Variants in PKN2 observed in about 807,000 individuals in gnomAD.
PKN2 encodes protein kinase N2.
A neutral mutation model predicts 119.1 loss-of-function variants in PKN2; 38 were observed. That is an observed-to-expected ratio of 0.32 (90% CI 0.25 to 0.42). PKN2 has a LOEUF of 0.42. Ranked by LOEUF, PKN2 falls within the 10% of genes least tolerant of loss-of-function variation. The pLI is 1.00. For missense variants in PKN2, 850 were observed against 1,165.1 expected (o/e 0.73, Z 3.94); for synonymous variants, 390 against 384.9 (o/e 1.01, Z -0.15).
intron 2 of PKN2, among the ~76,000 whole-genome samples, chr1:88,744,343 A>G (rs1259651226): frequency 1.3e-5 from 2 of 152,248 alleles, no homozygotes; most frequent in African/African-American, 4.8e-5. Flanking sequence ...TAAGCAGAAC[A>G]AATGACTGAA....
At position 88,703,756 on chromosome 1, in the gene PKN2, A is replaced by G. The variant is rs141153717; in HGVS notation, c.48+19128A>G. Among the ~76,000 whole-genome samples, 581 of 152,272 alleles carry G rather than the reference A, an allele frequency of 3.8e-3. 3 individuals are homozygous for G. Among genetic ancestry groups the G allele is most frequent in the Non-Finnish European group, 7.1e-3 (484 of 67,988 alleles). On this transcript the variant is annotated intron_variant, in intron 1 of 21. Transcript: ENST00000370521. ...TTCCATGAAGTATTGAGATGGGAAT[A>G]TATCAGTTTAGCTTAATCTCATTTT...
At chr1:88,692,220 A>G (rs567040017) in intron 1 of PKN2, among the ~76,000 whole-genome samples, 273 of 152,302 alleles carry the variant, frequency 1.8e-3, no homozygotes, top group Middle Eastern at 6.8e-3. Flanking sequence ...TAAAATATTC[A>G]TTAACTCTAC....
intron 2 of PKN2, among the ~76,000 whole-genome samples, chr1:88,749,760 G>T (rs143651925): frequency 7.0e-4 from 106 of 152,292 alleles, no homozygotes; most frequent in African/African-American, 2.5e-3. Flanking sequence ...CTTATAGGAA[G>T]AAGTATGTTA....
chr1:88,763,544 T>A (rs2100786735), intron 3 of PKN2, among the ~76,000 whole-genome samples: 1 of 149,256 alleles, frequency 6.7e-6, no homozygotes, highest in East Asian at 2.0e-4. Context: ...GAGGCAGAGG[T>A]TGTGGTGAGC....
chr1:88,827,648 T>TTCCCCTCCCCTCCC (rs1417592269), intron 18 of PKN2, among the ~76,000 whole-genome samples: 1 of 68,206 alleles, frequency 1.5e-5, no homozygotes, highest in African/African-American at 4.8e-5. Context: ...CCTCCCCTCT[T>TTCCCCTCCCCTCCC]CTCCCCTCCC....
intron 3 of PKN2, among the ~76,000 whole-genome samples, chr1:88,767,901 T>C (rs1203878961): frequency 6.6e-6 from 1 of 152,246 alleles, no homozygotes; most frequent in East Asian, 1.9e-4. Flanking sequence ...GTTTGATTTA[T>C]TGAAATAATA....
At chr1:88,772,478 A>G (rs937522123) in intron 6 of PKN2, among the ~76,000 whole-genome samples, 6 of 152,224 alleles carry the variant, frequency 3.9e-5, no homozygotes, top group African/African-American at 1.4e-4. Context: ...CTTAACCAGT[A>G]AGTATAATAT....
At chr1:88,801,479 A>G (rs1671308549) in intron 8 of PKN2, among the ~76,000 whole-genome samples, 1 of 152,242 alleles carries the variant, frequency 6.6e-6, no homozygotes, top group Non-Finnish European at 1.5e-5. Flanking sequence ...CTTGTTTTTC[A>G]GATACCATGT....
rs776990970 is a variant in PKN2 at position 88,771,583 on chromosome 1, A to T, written c.768+17A>T. On this transcript the variant is annotated intron_variant, in intron 5 of 21. Transcript: ENST00000370521. ...CTTTCAGAAGTAATTTTAAATAAAA[A>T]TTTTTATTTGGTTTAATAAATACAT... is the stretch of plus-strand genomic sequence containing the variant. 3.2e-6 allele frequency: 5 copies of T among 1,563,072 alleles called. No individual in the cohort carries two copies. The highest frequency in any genetic ancestry group is 4.3e-6 in the Non-Finnish European group (5 of 1,156,798).
At position 88,685,484 on chromosome 1, in the gene PKN2, G is replaced by A. The variant is rs1374254718; in HGVS notation, c.48+856G>A. Among the ~76,000 whole-genome samples, 4 of 152,134 alleles carry A rather than the reference G, an allele frequency of 2.6e-5. No individual in the cohort carries two copies. The East Asian group carries it at 7.7e-4, about 29-fold the overall frequency. On this transcript the variant is annotated intron_variant, in intron 1 of 21. Transcript: ENST00000370521. ...AGAGCAAAGTAGATCGCTTAGTTAA[G>A]TCATGTCGAGTAGCAATGTTATTTC...
At position 88,763,131 on chromosome 1, in the gene PKN2, G is replaced by A. The variant is rs553760273; in HGVS notation, c.504+2755G>A. Among the ~76,000 whole-genome samples the A allele has an allele frequency of 3.3e-5, 5 of 152,336 alleles. No individual in the cohort carries two copies. In the South Asian group the frequency reaches 1.0e-3, roughly 32 times the overall value. ...TAGGGCTTCTTTCCCTTCCCCACCA[G>A]TGGAGTTTTAAGTGGGTGAGGCATA... is the stretch of plus-strand genomic sequence containing the variant. On this transcript the variant is annotated intron_variant, in intron 3 of 21. Transcript: ENST00000370521.
intron 16 of PKN2, 68 bp downstream of exon 16, chr1:88,813,801 T>G (rs1212331774): frequency 1.5e-6 from 2 of 1,297,278 alleles, no homozygotes. Flanking sequence ...GGAAAAGAGA[T>G]TCTTTGAATT....
chr1:88,723,402 C>T (rs529703284), intron 1 of PKN2, among the ~76,000 whole-genome samples: 16 of 142,280 alleles, frequency 1.1e-4, no homozygotes, highest in Non-Finnish European at 1.8e-4. Context: ...TGTAAGCCAC[C>T]GTGCCCTGCC....
chr1:88,711,618 C>T (rs1667238178), intron 1 of PKN2, among the ~76,000 whole-genome samples: 1 of 152,038 alleles, frequency 6.6e-6, no homozygotes, highest in African/African-American at 2.4e-5. Flanking sequence ...TATTTAAGTT[C>T]TCAATTTGGA....
At chr1:88,786,509 A>C (rs1356414339) in intron 8 of PKN2, among the ~76,000 whole-genome samples, 1 of 152,220 alleles carries the variant, frequency 6.6e-6, no homozygotes, top group Non-Finnish European at 1.5e-5. Context: ...TTAATGCGCT[A>C]ACAGCTAAGG....
intron 3 of PKN2, among the ~76,000 whole-genome samples, chr1:88,769,760 G>C (rs533490114): frequency 8.5e-5 from 13 of 152,072 alleles, no homozygotes; most frequent in Non-Finnish European, 1.6e-4. Flanking sequence ...TCCAAAAAAA[G>C]CTGAATAAAT....
At chr1:88,736,503 A>G (rs2100736321) in intron 1 of PKN2, among the ~76,000 whole-genome samples, 1 of 152,158 alleles carries the variant, frequency 6.6e-6, no homozygotes, top group Middle Eastern at 3.4e-3. Flanking sequence ...AGCTGAGATT[A>G]CAGGCATGTA....
chr1:88,763,042 A>G (rs1334728760), intron 3 of PKN2, among the ~76,000 whole-genome samples: 2 of 152,200 alleles, frequency 1.3e-5, no homozygotes, highest in Admixed American at 1.3e-4. Flanking sequence ...GCCATAGGGA[A>G]ACAAATCTGA....
chr1:88,832,959 T>G, intron 20 of PKN2, 108 bp downstream of exon 20: 1 of 1,228,594 alleles, frequency 8.1e-7, no homozygotes. Flanking sequence ...TTCATAAATG[T>G]TGCATGGCTT....
Sources: allele counts gnomAD v4.1 joint callset (sites outside exome capture counted in the v4.1 genomes callset), GRCh38; gene constraint gnomAD v4.1.1; transcripts MANE v1.5; gene names NCBI Gene and HGNC (gene_info 2026-07-23, HGNC 2026-07-21).